Variants in ZSCAN10 observed in about 807,000 individuals in gnomAD.
The protein encoded by ZSCAN10 is zinc finger and SCAN domain containing 10.
A neutral mutation model predicts 63.7 loss-of-function variants in ZSCAN10; 52 were observed. The ratio of observed to expected loss-of-function variants is 0.82; its 90% confidence interval spans 0.65 to 1.03. The LOEUF is 1.03. ZSCAN10 is among the 50% of genes least tolerant of loss of function. The pLI is 0.00. For missense variants in ZSCAN10, 1,223 were observed against 1,103.8 expected, an observed-to-expected ratio of 1.11 and a Z score of -1.53; for synonymous variants, 544 against 479.6, an observed-to-expected ratio of 1.13 and a Z score of -1.76.
intron 5 of ZSCAN10, among the ~76,000 whole-genome samples, chr16:3,091,135 C>G (rs999121565): frequency 1.3e-5 from 2 of 151,104 alleles, no homozygotes; most frequent in South Asian, 4.2e-4. Flanking sequence ...AACAAGGGTG[C>G]CCTTTTATTT....
Position 3,091,526 on chromosome 16 carries a change from G to A in ZSCAN10, c.787+14C>T. On this transcript the variant is annotated intron_variant, in intron 5 of 5. Transcript: ENST00000576985. ...AGGCATCAGTGGTCACTTCTCCAGG[G>A]AAGGGTTGCTTACCCAGGGGGTGTG... 6.2e-7 allele frequency: 1 copy of A among 1,614,014 alleles called. No individual in the cohort carries two copies. Among genetic ancestry groups the A allele is most frequent in the Non-Finnish European group, 8.5e-7 (1 of 1,179,912 alleles).
intron 1 of ZSCAN10, among the ~76,000 whole-genome samples, chr16:3,095,694 G>C (rs1207705199): frequency 6.6e-6 from 1 of 151,630 alleles, no homozygotes; most frequent in African/African-American, 2.4e-5. Flanking sequence ...CGGGCGCAGT[G>C]GCGGGTGCCT....
chr16:3,096,213 T>TGAGCA (rs572942938), intron 1 of ZSCAN10, among the ~76,000 whole-genome samples: 5 of 152,236 alleles, frequency 3.3e-5, no homozygotes, highest in Admixed American at 2.0e-4. Flanking sequence ...TAAGCTTTTC[T>TGAGCA]GAGCAGAGCA....
rs1275312257 is a variant in ZSCAN10 at position 3,089,548 on chromosome 16, G to A, written c.1886C>T (p.Thr629Met). ...QDLARHQRSH[T>M]GEKPCRCSEC... ...GCTGCAGCGGCAGGGCTTCTCGCCC[G>A]TGTGGCTGCGCTGGTGGCGGGCCAG... The change falls in exon 6 of 6, where the codon ACG becomes ATG. Residue 629 changes from threonine to methionine, a missense_variant. By Grantham distance (81) the Thr-to-Met change is moderately conservative (BLOSUM62 -1). Transcript: ENST00000576985. The A allele has an allele frequency of 2.5e-6, 4 of 1,601,118 alleles. No individual in the cohort carries two copies. The East Asian group carries it at 6.7e-5, about 27-fold the overall frequency.
rs372747440 is a variant in ZSCAN10, at chr16:3,089,853, G to A, written c.1581C>T (p.Cys527=). The A allele has an allele frequency of 1.2e-5, 19 of 1,543,888 alleles. No individual in the cohort carries two copies. In the African/African-American group the frequency reaches 2.3e-4, roughly 19 times the overall value. The stretch of plus-strand genomic sequence containing the variant: ...GCTCGCTGCGCCGGAAGGCCTTGCC[G>A]CAGTCGCTGCACACGAAGGGCCTCC... ...SDRRPFVCSD[C]GKAFRRSEHL... Residue 527 remains cysteine, a synonymous_variant, in exon 6 of 6, where the codon TGC becomes TGT. Transcript: ENST00000576985.
Position 3,092,792 on chromosome 16 carries a change from C to A in ZSCAN10, c.146G>T (p.Cys49Phe). ...CCCCATGTCCTCCTGATACTGGAAGCATCTGAACAGCTGGTGAGCCACCTC... is the reference window on the plus strand; with the variant it reads ...CCCCATGTCCTCCTGATACTGGAAGAATCTGAACAGCTGGTGAGCCACCTC... ...RPEVAHQLFR[C>F]FQYQEDMGPR... Residue 49 changes from cysteine (C) to phenylalanine (F), a missense_variant, in exon 2 of 6, where the codon TGC (cysteine) becomes TTC (phenylalanine). By Grantham distance (205) the Cys-to-Phe change is radical. Transcript: ENST00000576985. 6.3e-7 allele frequency: 1 copy of A among 1,579,380 alleles called. No individual in the cohort carries two copies. The highest frequency in any genetic ancestry group is 8.6e-7 in the Non-Finnish European group (1 of 1,162,296).
In ZSCAN10 at chr16:3,090,143, C is replaced by T. The variant is rs773727116; in HGVS notation, c.1291G>A (p.Ala431Thr). ...KHLLTHSSEP[A>T]FLCAECGRGF... is the part of the protein sequence containing the mutation. ...CGGCCGCACTCTGCGCACAGGAAGG[C>T]GGGTTCGGAGGAGTGGGTCAGCAGG... The change falls in exon 6 of 6, where the codon GCC becomes ACC. Residue 431 changes from alanine (A) to threonine (T), a missense_variant. Coordinates refer to ENST00000576985, the MANE Select transcript of ZSCAN10 (RefSeq NM_032805.3). 5.6e-6 allele frequency: 9 copies of T among 1,600,016 alleles called. No homozygotes were observed. The highest frequency in any genetic ancestry group is 2.0e-4 in the Middle Eastern group (1 of 5,066).
Position 3,089,053 on chromosome 16 carries a change from A to C in ZSCAN10, c.*38T>G, listed in dbSNP as rs1682406444. The C allele has an allele frequency of 1.4e-6, 2 of 1,455,634 alleles. No homozygotes were observed. The highest frequency in any genetic ancestry group is 5.3e-5 in the Admixed American group (2 of 38,060). 90.2% of individuals were successfully genotyped at this position (1,455,634 alleles called of 1,614,324 possible). A position where few individuals can be genotyped will look rare whatever the true frequency, so the allele number is the denominator to read the frequency against. ...GCCTCCGCTGTGGAGGACCCCGGGT[A>C]GGTGGCGCAGGGCGCGGCTGGCGGA... On this transcript the variant is annotated 3_prime_UTR_variant, in exon 6 of 6. Transcript: ENST00000576985.
chr16:3,091,756 C>T lies in ZSCAN10; in HGVS notation c.729+8G>A. On this transcript the variant is annotated splice_region_variant and intron_variant, in intron 4 of 5. Transcript: ENST00000576985. ...CTTGAGGACACCCTGGGGTGCGGCC[C>T]AGCTCACCAGCACAGCCGCCAGCTC... 1 of 1,573,666 alleles carries T rather than the reference C, an allele frequency of 6.4e-7. No individual in the cohort carries two copies. Among genetic ancestry groups the T allele is most frequent in the Non-Finnish European group, 8.6e-7 (1 of 1,159,388 alleles).
chr16:3,095,253 C>T (rs1461850407), intron 1 of ZSCAN10, among the ~76,000 whole-genome samples: 1 of 152,100 alleles, frequency 6.6e-6, no homozygotes, highest in Non-Finnish European at 1.5e-5. Flanking sequence ...TGTGGTGGCT[C>T]ACACCTGTAA....
chr16:3,092,988 C>G lies in ZSCAN10; in HGVS notation c.-51G>C. ...ACGCCAGCCCCGCTCTTGGGTCTCT[C>G]TCCTCTCCTCCCACACCTGCGAAGG... On this transcript the variant is annotated 5_prime_UTR_variant, in exon 2 of 6. Transcript: ENST00000576985. 1 of 1,392,196 alleles carries G rather than the reference C, an allele frequency of 7.2e-7. No homozygotes were observed. The highest frequency in any genetic ancestry group is 1.7e-5 in the South Asian group (1 of 59,712). 86.2% of individuals were successfully genotyped at this position (1,392,196 alleles called of 1,614,324 possible).
intron 1 of ZSCAN10, among the ~76,000 whole-genome samples, chr16:3,093,987 T>C (rs368926397): frequency 1.2e-4 from 18 of 152,032 alleles, no homozygotes; most frequent in East Asian, 3.8e-4. Context: ...ACCAAGCCTG[T>C]TTTTTAAATT....
At position 3,089,994 on chromosome 16, in the gene ZSCAN10, G is replaced by C; in HGVS notation, c.1440C>G (p.His480Gln). The C allele has an allele frequency of 6.4e-7, 1 of 1,558,356 alleles. No individual in the cohort carries two copies. The highest frequency in any genetic ancestry group is 8.7e-7 in the Non-Finnish European group (1 of 1,155,032). The change falls in exon 6 of 6, where the codon CAC (histidine) becomes CAG (glutamine). Residue 480 changes from histidine to glutamine, a missense_variant. By Grantham distance (24) the His-to-Gln change is conservative (BLOSUM62 0). Transcript: ENST00000576985. ...AGCGGCGCTGGAAGCTCTGGCCGCA[G>C]TGGGAGCACAGGACATCGGTCAGTG... ...APPLTDVLCS[H>Q]CGQSFQRRSS... is the part of the protein sequence containing the mutation.
At position 3,092,842 on chromosome 16, in the gene ZSCAN10, C is replaced by A. The variant is rs756711475; in HGVS notation, c.96G>T (p.Arg32Ser). The A allele has an allele frequency of 1.4e-6, 2 of 1,477,548 alleles. No homozygotes were observed. Among genetic ancestry groups the A allele is most frequent in the African/African-American group, 2.8e-5 (2 of 70,792 alleles). 91.5% of individuals were successfully genotyped at this position (1,477,548 alleles called of 1,614,324 possible). A position where few individuals can be genotyped will look rare whatever the true frequency, so the allele number is the denominator to read the frequency against. ...EEEAVSPEDP[R>S]RPESRLRPEV... ...CGGGCCTCAGCCTGGACTCTGGTCG[C>A]CTGGGGTCCTCTGGGCTGACAGCCT... The change falls in exon 2 of 6, where the codon AGG (arginine) becomes AGT (serine). Residue 32 changes from arginine to serine, a missense_variant. Coordinates refer to ENST00000576985, the MANE Select transcript of ZSCAN10 (RefSeq NM_032805.3).
At chr16:3,098,261 A>G (rs906003452) in intron 1 of ZSCAN10, among the ~76,000 whole-genome samples, 1 of 152,014 alleles carries the variant, frequency 6.6e-6, no homozygotes, top group Non-Finnish European at 1.5e-5. Flanking sequence ...AGTCCAGCCC[A>G]CGCACGAAAC....
Position 3,089,840 on chromosome 16 carries a change from G to C in ZSCAN10, c.1594C>G (p.Arg532Gly), listed in dbSNP as rs751180864. The change falls in exon 6 of 6, where the codon CGG becomes GGG. Residue 532 changes from arginine to glycine, a missense_variant. Arg to Gly is a moderately radical substitution (Grantham distance 125). Coordinates refer to ENST00000576985, the MANE Select transcript of ZSCAN10 (RefSeq NM_032805.3). ...TGGGCCACCAGGTGCTCGCTGCGCCGGAAGGCCTTGCCGCAGTCGCTGCAC... is the reference window on the plus strand; with the variant it reads ...TGGGCCACCAGGTGCTCGCTGCGCCCGAAGGCCTTGCCGCAGTCGCTGCAC... ...FVCSDCGKAFRRSEHLVAHRR... is the reference protein window; with the variant it reads ...FVCSDCGKAFGRSEHLVAHRR... 7.1e-6 allele frequency: 11 copies of C among 1,552,540 alleles called. No homozygotes were observed. In the Admixed American group the frequency reaches 1.9e-4, roughly 27 times the overall value.
rs755684702 is a variant in ZSCAN10, at chr16:3,089,075, C to G, written c.*16G>C. 1.3e-5 allele frequency: 19 copies of G among 1,472,148 alleles called. No homozygotes were observed. The highest frequency in any genetic ancestry group is 1.7e-5 in the Non-Finnish European group (19 of 1,123,274). The allele number at this position is 1,472,148 out of a possible 1,614,324, so 91.2% of individuals were successfully genotyped here. ...GGTAGGTGGCGCAGGGCGCGGCTGG[C>G]GGAAGGCGGGCCAAGCTAGTACAGC... is the stretch of plus-strand genomic sequence containing the variant. On this transcript the variant is annotated 3_prime_UTR_variant, in exon 6 of 6. Coordinates refer to ENST00000576985, the MANE Select transcript of ZSCAN10 (RefSeq NM_032805.3).
In ZSCAN10 at chr16:3,092,703, T is replaced by A; in HGVS notation, c.235A>T (p.Thr79Ser). Residue 79 changes from threonine to serine, a missense_variant, in exon 2 of 6, where the codon ACC (threonine) becomes TCC (serine). Physicochemically the swap from Thr to Ser is moderately conservative, Grantham distance 58 (BLOSUM62 1). Coordinates refer to ENST00000576985, the MANE Select transcript of ZSCAN10 (RefSeq NM_032805.3). ...CGHWLRPALH[T>S]KKQILELLVL... ...AGCAGCTCCAGGATCTGTTTCTTGG[T>A]GTGCAGAGCCGGCCGCAGCCAGTGG... 6.2e-7 allele frequency: 1 copy of A among 1,613,352 alleles called. No individual in the cohort carries two copies. Among genetic ancestry groups the A allele is most frequent in the Non-Finnish European group, 8.5e-7 (1 of 1,179,896 alleles).
rs140902087 is a variant in ZSCAN10, at chr16:3,090,486, G to A, written c.948C>T (p.Gly316=). The A allele has an allele frequency of 1.2e-6, 2 of 1,613,246 alleles. No individual in the cohort carries two copies. The highest frequency in any genetic ancestry group is 2.7e-5 in the African/African-American group (2 of 74,924). The change falls in exon 6 of 6, where the codon GGC becomes GGT. Residue 316 remains glycine, a synonymous_variant. Transcript: ENST00000576985. ...CAAGAAGGGACCCATCTTCACCAGG[G>A]CCGCTAGCCGCAGCGCCCCGTCCGA... is the stretch of plus-strand genomic sequence containing the variant. ...QSLGRGAAAS[G]PGEDGSLLGS... is the part of the protein sequence containing the mutation.
Sources: allele counts gnomAD v4.1 joint callset (sites outside exome capture counted in the v4.1 genomes callset), GRCh38; gene constraint gnomAD v4.1.1; transcripts MANE v1.5; gene names NCBI Gene and HGNC (gene_info 2026-07-23, HGNC 2026-07-21).